The following STAG1 variants were observed in gnomAD, a reference collection of about 807,000 sequenced individuals.
STAG1 encodes cohesin subunit SA-1.
Under a neutral mutation model 170.9 loss-of-function variants are expected in STAG1, and 26 were observed. The observed-to-expected ratio is 0.15, with a 90% CI of 0.11 to 0.21. The LOEUF is 0.21. Among genes scored for constraint, STAG1 ranks in the 10% least tolerant of loss-of-function variants. The probability of loss-of-function intolerance (pLI) is 1.00; values close to 1 mark genes in which losing one functional copy is unlikely to be tolerated. For synonymous variants in STAG1, 514 were observed against 497.7 expected (o/e 1.03, Z -0.44); for missense variants, 964 against 1,509.5 (o/e 0.64, Z 5.99).
At chr3:136,748,561 A>G (rs905952768) in intron 1 of STAG1, among the ~76,000 whole-genome samples, 2 of 145,894 alleles carry the variant, frequency 1.4e-5, no homozygotes, top group African/African-American at 5.3e-5. Flanking sequence ...ACGCCTGGCT[A>G]ATTTTTGTAT....
At chr3:136,649,276 C>A (rs1000631364) in intron 1 of STAG1, among the ~76,000 whole-genome samples, 1 of 151,580 alleles carries the variant, frequency 6.6e-6, no homozygotes, top group Non-Finnish European at 1.5e-5. Flanking sequence ...GTCAGAAGCT[C>A]AAGACCAGCC....
intron 4 of STAG1, among the ~76,000 whole-genome samples, chr3:136,576,996 C>T (rs1265932111): frequency 1.3e-5 from 2 of 152,158 alleles, no homozygotes; most frequent in Non-Finnish European, 2.9e-5. Context: ...AAATGGAATG[C>T]TAGTAATCGA....
chr3:136,705,429 A>G (rs1943203268), intron 1 of STAG1, among the ~76,000 whole-genome samples: 1 of 149,730 alleles, frequency 6.7e-6, no homozygotes, highest in Non-Finnish European at 1.5e-5. Context: ...ACACACAACG[A>G]AGTTCAACGT....
chr3:136,706,245 A>G (rs113620402), intron 1 of STAG1, among the ~76,000 whole-genome samples: 177 of 152,344 alleles, frequency 1.2e-3, no homozygotes, highest in African/African-American at 2.5e-3. Context: ...ACTGCTAGCC[A>G]GGCAAGAAAA....
At chr3:136,523,703 T>A (rs1009202568) in intron 6 of STAG1, among the ~76,000 whole-genome samples, 1 of 152,248 alleles carries the variant, frequency 6.6e-6, no homozygotes, top group Non-Finnish European at 1.5e-5. Flanking sequence ...GCCTAGGTTT[T>A]CTTCTAGAGT....
chr3:136,542,480 C>A (rs151233989), intron 5 of STAG1, among the ~76,000 whole-genome samples: 35 of 151,994 alleles, frequency 2.3e-4, no homozygotes, highest in Non-Finnish European at 4.6e-4. Context: ...GTTTAAATTA[C>A]GTTAAATTGC....
At chr3:136,494,743 A>C (rs959060578) in intron 9 of STAG1, among the ~76,000 whole-genome samples, 1 of 152,184 alleles carries the variant, frequency 6.6e-6, no homozygotes, top group African/African-American at 2.4e-5. Flanking sequence ...TGATAAAAAC[A>C]CCCAACAAAT....
At chr3:136,682,852 A>G (rs2107888758) in intron 1 of STAG1, among the ~76,000 whole-genome samples, 1 of 152,362 alleles carries the variant, frequency 6.6e-6, no homozygotes, top group Non-Finnish European at 1.5e-5. Context: ...ACAATAGCCA[A>G]AAGGCAGAAG....
intron 14 of STAG1, among the ~76,000 whole-genome samples, chr3:136,449,324 G>T (rs1288735070): frequency 2.6e-5 from 4 of 152,142 alleles, no homozygotes; most frequent in Non-Finnish European, 5.9e-5. Flanking sequence ...ACTTTGGAAG[G>T]CCGAGGCAGG....
chr3:136,425,004 T>A (rs1010149996), intron 16 of STAG1, among the ~76,000 whole-genome samples: 1 of 152,126 alleles, frequency 6.6e-6, no homozygotes, highest in African/African-American at 2.4e-5. Flanking sequence ...CACACCTAGC[T>A]AATTTTTGTA....
intron 3 of STAG1, among the ~76,000 whole-genome samples, chr3:136,619,718 C>T (rs1939754862): frequency 7.6e-6 from 1 of 131,654 alleles, no homozygotes; most frequent in Non-Finnish European, 1.5e-5. Context: ...GATCGTGCTA[C>T]TACACTCCAG....
At chr3:136,571,445 G>A (rs1048666423) in intron 4 of STAG1, among the ~76,000 whole-genome samples, 1 of 152,056 alleles carries the variant, frequency 6.6e-6, no homozygotes, top group Non-Finnish European at 1.5e-5. Context: ...GTGCATGCCT[G>A]TAGTCCCAGC....
chr3:136,579,271 C>T (rs1344645619), intron 4 of STAG1, among the ~76,000 whole-genome samples: 1 of 152,200 alleles, frequency 6.6e-6, no homozygotes, highest in Non-Finnish European at 1.5e-5. Context: ...AGTATACCTT[C>T]GTACTCAACT....
chr3:136,434,134 G>A (rs1270555021), intron 15 of STAG1, among the ~76,000 whole-genome samples: 1 of 151,962 alleles, frequency 6.6e-6, no homozygotes, highest in Non-Finnish European at 1.5e-5. Flanking sequence ...ATAATTTCCT[G>A]ATTTTTGACA....
rs61595071 is a variant in STAG1 at position 136,708,967 on chromosome 3, CTTTTTTTTTTTT to C, written c.-84+43216_-84+43227del. 8.1e-5 allele frequency among the ~76,000 whole-genome samples: 7 copies of C among 86,076 alleles called. No individual in the cohort carries two copies. In the East Asian group the frequency reaches 1.9e-3, roughly 24 times the overall value. The allele number at this position is 86,076 out of a possible 152,430, so 56.5% of individuals were successfully genotyped here. ...CACAGGCATGTACCACTGCAGCTGG[CTTTTTTTTTTTT>C]TTTTTTTTTTTTTTAAAGACAGGGT... On this transcript the variant is annotated intron_variant, in intron 1 of 33. Coordinates refer to ENST00000383202, the MANE Select transcript of STAG1 (RefSeq NM_005862.3).
intron 28 of STAG1, among the ~76,000 whole-genome samples, chr3:136,357,486 A>T (rs1374416327): frequency 2.0e-5 from 3 of 152,210 alleles, no homozygotes; most frequent in Non-Finnish European, 4.4e-5. Flanking sequence ...CTGCATAATA[A>T]GAAATCATTT....
intron 1 of STAG1, among the ~76,000 whole-genome samples, chr3:136,745,686 G>C (rs1199019905): frequency 1.3e-5 from 2 of 152,152 alleles, no homozygotes; most frequent in African/African-American, 4.8e-5. Context: ...CCAGGCCAAA[G>C]ACCAGTATGG....
At chr3:136,449,532 C>T (rs1401923273) in intron 14 of STAG1, among the ~76,000 whole-genome samples, 1 of 150,942 alleles carries the variant, frequency 6.6e-6, no homozygotes, top group Non-Finnish European at 1.5e-5. Flanking sequence ...TGCACTCCAG[C>T]CTGAGTGACA....
chr3:136,403,224 T>TAAAAAAAAAAAAAAAAAAAA (rs55678408), intron 21 of STAG1, among the ~76,000 whole-genome samples: 147 of 33,596 alleles, frequency 4.4e-3, no homozygotes, highest in Non-Finnish European at 5.4e-3. Flanking sequence ...GAGACTGTCT[T>TAAAAAAAAAAAAAAAAAAAA]AAAAAAAAAA....
Sources: allele counts gnomAD v4.1 joint callset (sites outside exome capture counted in the v4.1 genomes callset), GRCh38; gene constraint gnomAD v4.1.1; transcripts MANE v1.5; gene names NCBI Gene and HGNC (gene_info 2026-07-23, HGNC 2026-07-21).